PUDP: variants seen among roughly 807,000 people sequenced by gnomAD.
PUDP encodes the protein pseudouridine 5'-phosphatase.
PUDP carries 8 observed loss-of-function variants against 9.4 expected under a neutral mutation model. The observed-to-expected ratio is 0.85, with a 90% CI of 0.50 to 1.53. The LOEUF (loss-of-function observed/expected upper bound fraction) is 1.53. PUDP is among the 40% of genes most tolerant of loss of function. PUDP has a pLI of 0.00. For synonymous variants in PUDP, 99 were observed against 80.7 expected (o/e 1.23, Z -1.22); for missense variants, 188 against 189.7 (o/e 0.99, Z 0.05).
At chrX:7,126,950 T>C (rs1932500960) in intron 1 of PUDP, among the ~76,000 whole-genome samples, 1 of 111,955 alleles carries the variant, frequency 8.9e-6, no homozygotes, top group South Asian at 3.7e-4. Flanking sequence ...AGAATACATA[T>C]TTGCATATGT....
chrX:6,738,314 G>A (rs1868645), intron 3 of PUDP, among the ~76,000 whole-genome samples: 36,215 of 110,490 alleles, frequency 0.33, 5,422 homozygotes, highest in African/African-American at 0.56. Flanking sequence ...GGTGCCATGC[G>A]TGTCGATTTC....
intron 3 of PUDP, among the ~76,000 whole-genome samples, chrX:6,888,479 T>TAA (rs1182849087): frequency 9.9e-6 from 1 of 100,866 alleles, no homozygotes; most frequent in Non-Finnish European, 2.0e-5. Context: ...CCATCTCTAC[T>TAA]AAAAAAAAAA....
At chrX:7,089,236 C>A (rs1931354648) in intron 2 of PUDP, among the ~76,000 whole-genome samples, 1 of 111,376 alleles carries the variant, frequency 9.0e-6, no homozygotes, top group Non-Finnish European at 1.9e-5. Context: ...CATCAGTGGG[C>A]CTCGAAATGT....
rs373566338 is a variant in PUDP, at chrX:7,107,256, G to A, written c.62-1418C>T. On this transcript the variant is annotated intron_variant, in intron 1 of 3. Transcript: ENST00000381077. ...ACAAGAAGTCCTGAAAAGAGCAGGC[G>A]ATCTCAATGGCCTTTAACTGTCCCA... Among the ~76,000 whole-genome samples the A allele has an allele frequency of 1.1e-4, 12 of 111,920 alleles. No individual in the cohort carries two copies. In the East Asian group the frequency reaches 3.4e-3, roughly 32 times the overall value.
intron 1 of PUDP, among the ~76,000 whole-genome samples, chrX:7,040,965 C>T (rs1929913835): frequency 1.8e-5 from 2 of 111,804 alleles, no homozygotes; most frequent in Non-Finnish European, 3.8e-5. Context: ...TGTGCTTCTT[C>T]TTCAAAAGTA....
At chrX:6,991,971 C>T (rs953786125) in intron 1 of PUDP, among the ~76,000 whole-genome samples, 5 of 111,188 alleles carry the variant, frequency 4.5e-5, no homozygotes, top group East Asian at 2.8e-4. Flanking sequence ...GACATCTATG[C>T]GTAAGAAAAA....
chrX:7,029,381 T>G (rs1271993026), intron 1 of PUDP, among the ~76,000 whole-genome samples: 1 of 112,046 alleles, frequency 8.9e-6, no homozygotes, highest in Non-Finnish European at 1.9e-5. Flanking sequence ...TAATGGTGGT[T>G]CTCAGTCTTT....
At chrX:7,143,289 C>T (rs752359552) in intron 1 of PUDP, among the ~76,000 whole-genome samples, 2 of 111,774 alleles carry the variant, frequency 1.8e-5, no homozygotes, top group Admixed American at 9.5e-5. Context: ...AATTTTATTG[C>T]GATGTTTGCT....
intron 3 of PUDP, among the ~76,000 whole-genome samples, chrX:7,060,586 C>T (rs1930372530): frequency 8.9e-6 from 1 of 112,042 alleles, no homozygotes. Context: ...CAGGCATGGA[C>T]ACCTATCTTC....
intron 3 of PUDP, among the ~76,000 whole-genome samples, chrX:6,950,241 G>A (rs754585568): frequency 9.8e-6 from 1 of 101,899 alleles, no homozygotes; most frequent in Admixed American, 1.1e-4. Context: ...AGGAGGCTGA[G>A]GCAGGAGAAC....
chrX:7,022,076 C>T (rs1647450702), intron 1 of PUDP, among the ~76,000 whole-genome samples: 1 of 111,169 alleles, frequency 9.0e-6, no homozygotes, highest in South Asian at 3.8e-4. Context: ...TCGGCCAGGT[C>T]GGTACTTTCC....
chrX:7,076,754 G>A (rs908320424), intron 3 of PUDP, among the ~76,000 whole-genome samples: 2 of 111,965 alleles, frequency 1.8e-5, no homozygotes, highest in South Asian at 3.7e-4. Context: ...AAAACCCAGC[G>A]TCACTACACA....
At chrX:6,973,124 G>A (rs1292461343) in intron 3 of PUDP, among the ~76,000 whole-genome samples, 1 of 111,838 alleles carries the variant, frequency 8.9e-6, no homozygotes, top group African/African-American at 3.3e-5. Context: ...CTGGCTAGCA[G>A]TCTATCTATT....
chrX:7,139,777 C>T (rs1602841570), intron 1 of PUDP, among the ~76,000 whole-genome samples: 1 of 112,027 alleles, frequency 8.9e-6, no homozygotes, highest in East Asian at 2.8e-4. Context: ...GCACATCATT[C>T]GGCCCAGCTC....
intron 3 of PUDP, among the ~76,000 whole-genome samples, chrX:6,900,326 TG>T (rs55900364): frequency 0.31 from 25,058 of 81,395 alleles, 3,120 homozygotes; most frequent in Admixed American, 0.48. Flanking sequence ...TGTCACCACT[TG>T]GGGGGGGGGG....
rs1334771603 is a variant in PUDP at position 7,116,988 on chromosome X, T to A, written c.62-11150A>T. On this transcript the variant is annotated intron_variant, in intron 1 of 3. Coordinates refer to ENST00000381077, the MANE Select transcript of PUDP (RefSeq NM_012080.5). ...TACCCGTCCACCGTGATTGTAAGCC[T>A]CTTGAGGACTCCCCCGAAGCAGCTG... The A allele has an allele frequency of 2.6e-6, 3 of 1,165,570 alleles. No individual in the cohort carries two copies. The South Asian group carries it at 5.7e-5, about 22-fold the overall frequency.
At chrX:7,048,840 T>G (rs942886119), downstream of PUDP, 1 of 112,453 alleles carries the variant, frequency 8.9e-6, no homozygotes, top group Non-Finnish European at 1.9e-5. Context: ...AAAATTTAAT[T>G]AGTCACATAT....
chrX:6,955,467 C>A, intron 3 of PUDP, among the ~76,000 whole-genome samples: 1 of 111,385 alleles, frequency 9.0e-6, no homozygotes, highest in Non-Finnish European at 1.9e-5. Flanking sequence ...GCCTTCTTAA[C>A]ATAACCAGAT....
chrX:7,140,322 G>T (rs1417445635), intron 1 of PUDP, among the ~76,000 whole-genome samples: 1 of 111,390 alleles, frequency 9.0e-6, no homozygotes, highest in Non-Finnish European at 1.9e-5. Context: ...GATGGTAGGA[G>T]CATTATTTTC....
Sources: gnomAD v4.1 joint callset for allele counts (sites outside exome capture counted in the v4.1 genomes callset) on GRCh38, gnomAD v4.1.1 for gene constraint, MANE v1.5 for transcripts, NCBI Gene and HGNC (gene_info 2026-07-23, HGNC 2026-07-21) for gene names.